Variants in TMC7 observed in about 807,000 individuals in gnomAD.
The protein encoded by TMC7 is transmembrane channel-like protein 7.
Under a neutral mutation model 82.9 loss-of-function variants are expected in TMC7, and 54 were observed. The observed-to-expected ratio is 0.65, with a 90% CI of 0.52 to 0.82. The LOEUF is 0.82. Ranked by LOEUF, TMC7 falls within the 40% of genes least tolerant of loss-of-function variation. The pLI is 0.00. For missense variants in TMC7, 820 were observed against 901.2 expected, an observed-to-expected ratio of 0.91 and a Z score of 1.15; for synonymous variants, 350 against 337.9, an observed-to-expected ratio of 1.04 and a Z score of -0.39.
At chr16:19,054,992 T>A (rs540983958) in intron 13 of TMC7, among the ~76,000 whole-genome samples, 1 of 152,124 alleles carries the variant, frequency 6.6e-6, no homozygotes, top group African/African-American at 2.4e-5. Flanking sequence ...AAGTGATCCA[T>A]CTGCCTCGGC....
chr16:18,996,548 G>T (rs1429579559), intron 1 of TMC7, among the ~76,000 whole-genome samples: 1 of 152,186 alleles, frequency 6.6e-6, no homozygotes, highest in East Asian at 1.9e-4. Flanking sequence ...AAGCAGTATT[G>T]CAGAAGAAAA....
chr16:19,047,441 A>G (rs1000242694), intron 12 of TMC7, among the ~76,000 whole-genome samples, 192 bp downstream of exon 12: 4 of 148,124 alleles, frequency 2.7e-5, no homozygotes, highest in Admixed American at 6.9e-5. Flanking sequence ...TCTGTCACCC[A>G]GGCTGGAGTG....
intron 7 of TMC7, 77 bp from the exon 8 acceptor site, chr16:19,037,797 G>A: frequency 6.9e-7 from 1 of 1,443,016 alleles, no homozygotes; most frequent in South Asian, 1.3e-5. Context: ...TGGATGGGGA[G>A]AGAATGATGA....
chr16:19,004,397 C>T (rs1015031176), intron 1 of TMC7, among the ~76,000 whole-genome samples: 3 of 152,026 alleles, frequency 2.0e-5, no homozygotes, highest in African/African-American at 7.2e-5. Flanking sequence ...TGGAGTCTTG[C>T]TCTGTTGCCC....
chr16:19,048,918 TTAG>T (rs2142295115), intron 12 of TMC7, among the ~76,000 whole-genome samples: 1 of 152,310 alleles, frequency 6.6e-6, no homozygotes, highest in Admixed American at 6.5e-5. Context: ...AATAATGGTG[TTAG>T]TAATAATAGC....
chr16:19,042,078 C>T (rs1567523806), intron 9 of TMC7, among the ~76,000 whole-genome samples: 2 of 152,128 alleles, frequency 1.3e-5, no homozygotes, highest in Admixed American at 1.3e-4. Flanking sequence ...TCAGGGGTGC[C>T]GTGTCCTTCC....
In TMC7 at chr16:19,062,740, A is replaced by C. The variant is rs1016646376; in HGVS notation, c.*897A>C. 1.3e-5 allele frequency: 2 copies of C among 152,696 alleles called. No individual in the cohort carries two copies. Among genetic ancestry groups the C allele is most frequent in the Non-Finnish European group, 2.9e-5 (2 of 68,054 alleles). 9.5% of individuals were successfully genotyped at this position (152,696 alleles called of 1,614,324 possible). A position where few individuals can be genotyped will look rare whatever the true frequency, so the allele number is the denominator to read the frequency against. On this transcript the variant is annotated 3_prime_UTR_variant, in exon 16 of 16. Transcript: ENST00000304381. ...ATAGATGTCAACCTTTTAACAGAAG[A>C]ACAGAAGTTTAAGTTATTGTTTAAT...
At chr16:19,044,800 T>C in intron 9 of TMC7, 84 bp from the exon 10 acceptor site, 4 of 676,834 alleles carry the variant, frequency 5.9e-6, no homozygotes, top group South Asian at 1.9e-5. Flanking sequence ...AAAAGGCAGC[T>C]TCTACATTCC....
intron 12 of TMC7, among the ~76,000 whole-genome samples, chr16:19,047,995 G>A (rs1273079977): frequency 6.6e-6 from 1 of 152,082 alleles, no homozygotes; most frequent in Non-Finnish European, 1.5e-5. Context: ...CACCGCACCC[G>A]GCCTACTCTT....
At chr16:19,029,413 T>C (rs1028762644) in intron 5 of TMC7, among the ~76,000 whole-genome samples, 3 of 151,434 alleles carry the variant, frequency 2.0e-5, no homozygotes, top group Non-Finnish European at 2.9e-5. Context: ...TTATATTTGC[T>C]TTTTTTCTTT....
intron 1 of TMC7, among the ~76,000 whole-genome samples, chr16:19,002,853 C>T (rs966578739): frequency 6.6e-6 from 1 of 152,216 alleles, no homozygotes; most frequent in Non-Finnish European, 1.5e-5. Context: ...AACAGCAAGG[C>T]TCTTGGCTGG....
chr16:19,058,239 A>G lies in TMC7; in HGVS notation c.2028-1177A>G, dbSNP rs114671751. Among the ~76,000 whole-genome samples, 1,354 of 152,262 alleles carry G rather than the reference A, an allele frequency of 8.9e-3. 11 individuals are homozygous for G. The highest frequency in any genetic ancestry group is 0.051 in the Middle Eastern group (15 of 294). Reference sequence around the variant, plus strand: ...AAACACCGTCTCTACTAAAAAATATATAAAATTAGTCAGGCATGTAATCCT... The same window carrying G: ...AAACACCGTCTCTACTAAAAAATATGTAAAATTAGTCAGGCATGTAATCCT... On this transcript the variant is annotated intron_variant, in intron 14 of 15. Transcript: ENST00000304381.
intron 2 of TMC7, among the ~76,000 whole-genome samples, chr16:19,014,120 C>G (rs1338936206): frequency 6.6e-6 from 1 of 152,070 alleles, no homozygotes; most frequent in Non-Finnish European, 1.5e-5. Flanking sequence ...CCTGCCTCGG[C>G]CTCCCAAAGT....
intron 12 of TMC7, among the ~76,000 whole-genome samples, chr16:19,050,227 C>T (rs1398518087): frequency 1.3e-5 from 2 of 151,682 alleles, no homozygotes; most frequent in African/African-American, 4.8e-5. Flanking sequence ...AAAAATTAGC[C>T]GGGCTTGGTG....
At chr16:19,006,608 A>G (rs2039244818) in intron 1 of TMC7, among the ~76,000 whole-genome samples, 1 of 152,130 alleles carries the variant, frequency 6.6e-6, no homozygotes, top group African/African-American at 2.4e-5. Context: ...TCCCTGTCCT[A>G]AATACCTATT....
At chr16:19,057,185 C>G (rs1381249530) in intron 14 of TMC7, among the ~76,000 whole-genome samples, 1 of 152,064 alleles carries the variant, frequency 6.6e-6, no homozygotes, top group Admixed American at 6.6e-5. Flanking sequence ...AATAGTCACT[C>G]TTTCAGAGGC....
chr16:19,042,604 T>C (rs1013499846), intron 9 of TMC7, among the ~76,000 whole-genome samples: 2 of 151,028 alleles, frequency 1.3e-5, no homozygotes, highest in Admixed American at 6.6e-5. Flanking sequence ...GCCTCCCGGG[T>C]TCACGCCATT....
intron 3 of TMC7, among the ~76,000 whole-genome samples, chr16:19,018,089 GATTGTGCT>G (rs1959791077): frequency 6.6e-6 from 1 of 152,166 alleles, no homozygotes; most frequent in Non-Finnish European, 1.5e-5. Context: ...AGTAAGCTAT[GATTGTGCT>G]ATTGCACTCC....
intron 3 of TMC7, 87 bp from the exon 4 acceptor site, chr16:19,021,542 C>A: frequency 1.4e-6 from 2 of 1,417,018 alleles, no homozygotes; most frequent in Non-Finnish European, 9.7e-7. Context: ...CTGATTCCTC[C>A]AGCTTCAGCT....
Sources: allele counts gnomAD v4.1 joint callset (sites outside exome capture counted in the v4.1 genomes callset), GRCh38; gene constraint gnomAD v4.1.1; transcripts MANE v1.5; gene names NCBI Gene and HGNC (gene_info 2026-07-23, HGNC 2026-07-21).